The following PAN3 variants were observed in gnomAD, a reference collection of about 807,000 sequenced individuals.
PAN3 encodes the protein PAN2-PAN3 deadenylation complex subunit PAN3.
A neutral mutation model predicts 96.2 loss-of-function variants in PAN3; 19 were observed. The observed-to-expected ratio is 0.20, with a 90% CI of 0.14 to 0.29. PAN3 has a LOEUF of 0.29. Ranked by LOEUF, PAN3 falls within the 10% of genes least tolerant of loss-of-function variation. PAN3 has a pLI of 1.00. For missense variants in PAN3, 882 were observed against 1,108.1 expected, an observed-to-expected ratio of 0.80 and a Z score of 2.90; for synonymous variants, 433 against 406.6, an observed-to-expected ratio of 1.06 and a Z score of -0.78.
chr13:28,281,275 T>A (rs1224923940), intron 16 of PAN3, 40 bp from the exon 17 acceptor site: 6 of 1,545,348 alleles, frequency 3.9e-6, no homozygotes, highest in Non-Finnish European at 5.3e-6. Context: ...TTCAGTTATC[T>A]GGAACATTAA....
Position 28,288,021 on chromosome 13 carries a change from C to G in PAN3, c.2422C>G (p.Arg808Gly). The G allele has an allele frequency of 6.2e-7, 1 of 1,613,064 alleles. No homozygotes were observed. The highest frequency in any genetic ancestry group is 8.5e-7 in the Non-Finnish European group (1 of 1,179,538). Residue 808 changes from arginine (R) to glycine (G), a missense_variant, in exon 18 of 19, where the codon CGT becomes GGT. Physicochemically the swap from Arg to Gly is moderately radical, Grantham distance 125. Around this residue, in one of 3 missense-constraint regions of PAN3, gnomAD observed 76 missense variants for 171.7 expected, o/e 0.44. Coordinates refer to ENST00000380958, the MANE Select transcript of PAN3 (RefSeq NM_175854.8). Reference sequence around the variant, plus strand: ...TCCCACTTGGTCAGAGACTGGAGACCGTTATCTGTTGAAACTCTTTAGGGA... The same window carrying G: ...TCCCACTTGGTCAGAGACTGGAGACGGTTATCTGTTGAAACTCTTTAGGGA... Reference protein sequence around the residue: ...KDPTWSETGDRYLLKLFRDHL... With the variant: ...KDPTWSETGDGYLLKLFRDHL...
intron 4 of PAN3, among the ~76,000 whole-genome samples, chr13:28,187,270 C>G (rs141366956): frequency 7.9e-4 from 120 of 152,094 alleles, no homozygotes; most frequent in African/African-American, 2.7e-3. Context: ...GAGGTTGCAG[C>G]GAGCCGTGTT....
intron 6 of PAN3, among the ~76,000 whole-genome samples, chr13:28,240,622 T>C (rs906656923): frequency 1.3e-5 from 2 of 152,272 alleles, no homozygotes; most frequent in Non-Finnish European, 2.9e-5. Context: ...GTTTAGAAAA[T>C]TGGGCTTTAG....
At chr13:28,273,683 A>G (rs1399304107) in intron 14 of PAN3, among the ~76,000 whole-genome samples, 9 of 152,142 alleles carry the variant, frequency 5.9e-5, no homozygotes. Flanking sequence ...TTCAGTTTGT[A>G]TTGGAATGCT....
intron 5 of PAN3, among the ~76,000 whole-genome samples, chr13:28,210,119 A>T (rs576697664): frequency 6.6e-6 from 1 of 152,110 alleles, no homozygotes; most frequent in African/African-American, 2.4e-5. Context: ...AACTGTTCTC[A>T]TAAAAGGTAC....
intron 4 of PAN3, among the ~76,000 whole-genome samples, chr13:28,183,723 A>T (rs988873982): frequency 6.6e-6 from 1 of 152,208 alleles, no homozygotes; most frequent in Non-Finnish European, 1.5e-5. Flanking sequence ...GATGCGAGGC[A>T]GTCAGGATTG....
chr13:28,215,465 ATGT>A (rs1237021528), intron 5 of PAN3: 1 of 693,074 alleles, frequency 1.4e-6, no homozygotes, highest in Non-Finnish European at 2.7e-6. Flanking sequence ...TCTGTCAAAG[ATGT>A]TCGTTGGGGG....
chr13:28,277,128 C>T, intron 14 of PAN3, 109 bp from the exon 15 acceptor site: 1 of 1,129,672 alleles, frequency 8.9e-7, no homozygotes, highest in Non-Finnish European at 1.2e-6. Context: ...AGGACCCTGC[C>T]TGCAGCTTAT....
rs970089372 is a variant in PAN3, at chr13:28,223,825, A to G, written c.1000+3447A>G. On this transcript the variant is annotated intron_variant, in intron 6 of 18. Transcript: ENST00000380958. ...AAACGAAGTTATGAATGTGCTTAATATATGAAATAATAGTTTATACTTTAA... is the reference window on the plus strand; with the variant it reads ...AAACGAAGTTATGAATGTGCTTAATGTATGAAATAATAGTTTATACTTTAA... Among the ~76,000 whole-genome samples the G allele has an allele frequency of 1.2e-4, 18 of 150,074 alleles. No homozygotes were observed. The East Asian group carries it at 2.2e-3, about 18-fold the overall frequency.
At chr13:28,284,424 C>T (rs1868715257) in intron 17 of PAN3, among the ~76,000 whole-genome samples, 1 of 149,606 alleles carries the variant, frequency 6.7e-6, no homozygotes, top group South Asian at 2.1e-4. Flanking sequence ...CCCTTGGAGA[C>T]ATTTGTATAT....
chr13:28,193,655 ATC>A (rs1396999880), intron 4 of PAN3, among the ~76,000 whole-genome samples: 4 of 145,692 alleles, frequency 2.7e-5, no homozygotes, highest in African/African-American at 1.0e-4. Flanking sequence ...AGGTGGGAGG[ATC>A]TCTTGAGCCT....
At chr13:28,227,933 A>C (rs1882173665) in intron 6 of PAN3, among the ~76,000 whole-genome samples, 1 of 152,190 alleles carries the variant, frequency 6.6e-6, no homozygotes, top group South Asian at 2.1e-4. Flanking sequence ...GGATGAACTG[A>C]GAAGCAGAGA....
At chr13:28,178,064 C>T in intron 4 of PAN3, 129 bp downstream of exon 4, 4 of 721,764 alleles carry the variant, frequency 5.5e-6, no homozygotes, top group East Asian at 2.8e-5. Flanking sequence ...GTTTTTCCTG[C>T]CTTTTGTTTA....
At chr13:28,141,382 T>C (rs1180382327) in intron 1 of PAN3, among the ~76,000 whole-genome samples, 2 of 144,788 alleles carry the variant, frequency 1.4e-5, no homozygotes, top group Non-Finnish European at 3.2e-5. Context: ...AAAAAAACTT[T>C]TAAAGTTTTA....
intron 6 of PAN3, among the ~76,000 whole-genome samples, chr13:28,249,866 C>G (rs1358947086): frequency 4.6e-5 from 7 of 152,194 alleles, no homozygotes; most frequent in Non-Finnish European, 8.8e-5. Flanking sequence ...TTCAAATTTT[C>G]TCACATATTC....
chr13:28,273,990 C>T (rs1452548720), intron 14 of PAN3, among the ~76,000 whole-genome samples: 3 of 152,144 alleles, frequency 2.0e-5, no homozygotes, highest in Non-Finnish European at 4.4e-5. Flanking sequence ...CTGTTTTGCT[C>T]GTAAACCACA....
chr13:28,186,048 C>G (rs902229648), intron 4 of PAN3, among the ~76,000 whole-genome samples: 1 of 152,184 alleles, frequency 6.6e-6, no homozygotes, highest in Non-Finnish European at 1.5e-5. Context: ...GTGTGGTTTT[C>G]CCCAACTCTG....
chr13:28,174,432 AT>A, intron 2 of PAN3, 39 bp downstream of exon 2: 1 of 1,597,760 alleles, frequency 6.3e-7, no homozygotes, highest in Non-Finnish European at 8.6e-7. Context: ...TATGAAGTTT[AT>A]TCTAGGGCCA....
At chr13:28,229,670 C>T (rs552002232) in intron 6 of PAN3, among the ~76,000 whole-genome samples, 113 of 152,306 alleles carry the variant, frequency 7.4e-4, no homozygotes, top group African/African-American at 2.6e-3. Context: ...CCTTGAATGG[C>T]CATAATCTGG....
Sources: gnomAD v4.1 joint callset for allele counts (sites outside exome capture counted in the v4.1 genomes callset) on GRCh38, gnomAD v4.1.1 for gene constraint, gnomAD v4.1.1 regional missense constraint, MANE v1.5 for transcripts, NCBI Gene and HGNC (gene_info 2026-07-23, HGNC 2026-07-21) for gene names.